The following TMPRSS7 variants were observed in gnomAD, a reference collection of about 807,000 sequenced individuals.
TMPRSS7 encodes the protein transmembrane protease serine 7.
A neutral mutation model predicts 95.6 loss-of-function variants in TMPRSS7; 81 were observed. The ratio of observed to expected loss-of-function variants is 0.85; its 90% CI spans 0.71 to 1.02. The LOEUF is 1.02. Ranked by LOEUF, TMPRSS7 falls within the 50% of genes least tolerant of loss-of-function variation. The pLI is 0.00. For synonymous variants in TMPRSS7, 364 were observed against 337.8 expected (o/e 1.08, Z -0.85); for missense variants, 945 against 955.2 (o/e 0.99, Z 0.14).
At chr3:112,051,369 A>G (rs1338982592) in intron 9 of TMPRSS7, among the ~76,000 whole-genome samples, 11 of 152,122 alleles carry the variant, frequency 7.2e-5, no homozygotes, top group Non-Finnish European at 1.3e-4. Flanking sequence ...TTACACGCAA[A>G]TACTACACAA....
intron 13 of TMPRSS7, among the ~76,000 whole-genome samples, chr3:112,071,373 T>C (rs188057373): frequency 8.1e-4 from 123 of 152,358 alleles, no homozygotes; most frequent in Middle Eastern, 3.4e-3. Context: ...TTGGCTGCCC[T>C]TAACATTTTT....
intron 13 of TMPRSS7, among the ~76,000 whole-genome samples, chr3:112,071,000 G>A (rs141591455): frequency 6.6e-6 from 1 of 152,110 alleles, no homozygotes; most frequent in African/African-American, 2.4e-5. Flanking sequence ...GATGTTAGCT[G>A]GTCATTTTGC....
At chr3:112,048,046 A>AT (rs932290788) in intron 7 of TMPRSS7, 79 bp downstream of exon 7, 295 of 1,404,248 alleles carry the variant, frequency 2.1e-4, no homozygotes, top group Non-Finnish European at 2.4e-4. Flanking sequence ...TTCCCCCTGG[A>AT]TTTTTTTTTA....
intron 3 of TMPRSS7, among the ~76,000 whole-genome samples, chr3:112,043,377 G>A (rs1006515915): frequency 6.6e-5 from 10 of 152,240 alleles, no homozygotes; most frequent in Middle Eastern, 3.4e-3. Context: ...TGTGGCATAT[G>A]ACTGTATACC....
chr3:112,049,322 T>G (rs1265592912), intron 7 of TMPRSS7, among the ~76,000 whole-genome samples: 1 of 152,236 alleles, frequency 6.6e-6, no homozygotes, highest in African/African-American at 2.4e-5. Context: ...CCTGCTTTCC[T>G]TTCTCATTTT....
chr3:112,059,528 C>T (rs1029276468), intron 10 of TMPRSS7, among the ~76,000 whole-genome samples: 1 of 152,170 alleles, frequency 6.6e-6, no homozygotes, highest in African/African-American at 2.4e-5. Flanking sequence ...TAATGGTGAG[C>T]ACAAAGGAAA....
chr3:112,047,751 C>G (rs769593017), exon 7 of TMPRSS7: 70 of 1,613,402 alleles, frequency 4.3e-5, no homozygotes, highest in Non-Finnish European at 2.7e-5. Flanking sequence ...AAAGGCTGCT[C>G]TCAGTACTTC....
chr3:112,053,739 A>T (rs1287603118), intron 9 of TMPRSS7, among the ~76,000 whole-genome samples: 8 of 152,238 alleles, frequency 5.3e-5, no homozygotes, highest in Non-Finnish European at 8.8e-5. Flanking sequence ...TCACTCAAAC[A>T]GAAAGTGACC....
At chr3:112,062,020 C>T in intron 11 of TMPRSS7, 97 bp downstream of exon 11, 5 of 871,434 alleles carry the variant, frequency 5.7e-6, no homozygotes, top group Non-Finnish European at 6.3e-6. Flanking sequence ...ATGAATACTG[C>T]TTTATTTCTG....
At chr3:112,075,416 G>C in exon 15 of TMPRSS7, 1 of 1,553,250 alleles carries the variant, frequency 6.4e-7, no homozygotes. Flanking sequence ...CCACTTTGTT[G>C]GATCTGCCTA....
chr3:112,080,565 CTACTATT>C (rs1559966233), intron 17 of TMPRSS7, among the ~76,000 whole-genome samples: 2 of 68,584 alleles, frequency 2.9e-5, no homozygotes, highest in Admixed American at 1.9e-4. Context: ...ACTACTACTA[CTACTATT>C]ACCACCACCA....
Position 112,080,885 on chromosome 3 carries a change from C to G in TMPRSS7, c.2362-29C>G, listed in dbSNP as rs186048170. 3.4e-5 allele frequency: 54 copies of G among 1,597,028 alleles called. No individual in the cohort carries two copies. The African/African-American group carries it at 7.3e-4, about 22-fold the overall frequency. On this transcript the variant is annotated intron_variant, in intron 17 of 17. Transcript: ENST00000452346. The stretch of plus-strand genomic sequence containing the variant: ...AACTGATGATCATGGGACCAATTTA[C>G]TTTATACTTACATTTTTTGTGTGTG...
At chr3:112,038,316 A>G (rs1246258635) in exon 2 of TMPRSS7, 1 of 701,626 alleles carries the variant, frequency 1.4e-6, no homozygotes, top group South Asian at 1.5e-5. Context: ...CTGTGGCTGT[A>G]TATCAGTAAG....
intron 13 of TMPRSS7, among the ~76,000 whole-genome samples, chr3:112,070,505 G>T (rs1176937465): frequency 3.9e-5 from 6 of 152,078 alleles, no homozygotes; most frequent in Admixed American, 2.6e-4. Context: ...TATGAATCTG[G>T]GTGCTCCTGT....
intron 3 of TMPRSS7, chr3:112,042,928 G>A (rs888860085): frequency 4.5e-6 from 2 of 448,294 alleles, no homozygotes; most frequent in Middle Eastern, 3.3e-4. Context: ...CCACGGTACT[G>A]GAGAGGGTTG....
At chr3:112,078,870 G>C in exon 17 of TMPRSS7, 1 of 1,613,740 alleles carries the variant, frequency 6.2e-7, no homozygotes, top group Non-Finnish European at 8.5e-7. Context: ...CAAGAGAGAT[G>C]CCTGCAAAGT....
chr3:112,035,659 A>T (rs1394487405), intron 1 of TMPRSS7, among the ~76,000 whole-genome samples: 3 of 152,206 alleles, frequency 2.0e-5, no homozygotes, highest in African/African-American at 7.2e-5. Flanking sequence ...TGTGGTTAAA[A>T]GCTATTTCGT....
At chr3:112,080,539 TACTAC>T (rs2073765235) in intron 17 of TMPRSS7, among the ~76,000 whole-genome samples, 6 of 132,564 alleles carry the variant, frequency 4.5e-5, no homozygotes, top group Admixed American at 8.2e-5. Flanking sequence ...CTACTACTAC[TACTAC>T]TACCACCACT....
intron 15 of TMPRSS7, among the ~76,000 whole-genome samples, chr3:112,076,659 C>T (rs1314005588): frequency 6.6e-6 from 1 of 152,164 alleles, no homozygotes; most frequent in Non-Finnish European, 1.5e-5. Context: ...ACTTGCCACT[C>T]CTAATACAGC....
Sources: gnomAD v4.1 joint callset for allele counts (sites outside exome capture counted in the v4.1 genomes callset) on GRCh38, gnomAD v4.1.1 for gene constraint, MANE v1.5 for transcripts, NCBI Gene and HGNC (gene_info 2026-07-23, HGNC 2026-07-21) for gene names.